The following KCNH7 variants were observed in gnomAD, a reference collection of about 807,000 sequenced individuals.
KCNH7 encodes potassium voltage-gated channel subfamily H member 7.
In KCNH7, 49 loss-of-function variants were observed where a neutral mutation model predicts 120.8. The observed-to-expected ratio is 0.41, with a 90% CI of 0.32 to 0.51. KCNH7 has a LOEUF of 0.51. Among genes scored for constraint, KCNH7 ranks in the 20% least tolerant of loss-of-function variants. The probability of loss-of-function intolerance (pLI) is 0.38; values close to 1 mark genes in which losing one functional copy is unlikely to be tolerated. For synonymous variants in KCNH7, 547 were observed against 516.1 expected (o/e 1.06, Z -0.81); for missense variants, 1,097 against 1,446.6 (o/e 0.76, Z 3.92).
At chr2:162,720,512 A>G (rs545601771) in intron 2 of KCNH7, among the ~76,000 whole-genome samples, 1 of 152,228 alleles carries the variant, frequency 6.6e-6, no homozygotes, top group East Asian at 1.9e-4. Flanking sequence ...ATATCCATTT[A>G]TACATATGCA....
intron 3 of KCNH7, among the ~76,000 whole-genome samples, chr2:162,525,703 A>C (rs1269223684): frequency 6.6e-6 from 1 of 152,000 alleles, no homozygotes; most frequent in Non-Finnish European, 1.5e-5. Flanking sequence ...ACCAAAATTG[A>C]GCATGGATGA....
chr2:162,825,725 T>C (rs1685257988), intron 2 of KCNH7, among the ~76,000 whole-genome samples: 1 of 152,012 alleles, frequency 6.6e-6, no homozygotes, highest in South Asian at 2.1e-4. Flanking sequence ...ATTAAAACAA[T>C]TATGGTCTGT....
chr2:162,836,540 T>G lies in KCNH7; in HGVS notation c.304A>C (p.Asn102His). Residue 102 changes from asparagine (N) to histidine (H), a missense_variant, in exon 2 of 16, where the codon AAT becomes CAT. Coordinates refer to ENST00000332142, the MANE Select transcript of KCNH7 (RefSeq NM_033272.4). ...RKVEVTYYHKNGSTFICNTHI... is the reference protein window; with the variant it reads ...RKVEVTYYHKHGSTFICNTHI... ...ATCCTAAATAGAGGAATTTTACCAT[T>G]TTTGTGATAGTAGGTGACCTCCACT... 1.2e-6 allele frequency: 2 copies of G among 1,612,172 alleles called. No individual in the cohort carries two copies. Among genetic ancestry groups the G allele is most frequent in the Non-Finnish European group, 1.7e-6 (2 of 1,178,340 alleles).
intron 2 of KCNH7, among the ~76,000 whole-genome samples, chr2:162,611,162 G>A (rs751316725): frequency 4.6e-5 from 7 of 152,196 alleles, no homozygotes; most frequent in African/African-American, 1.2e-4. Flanking sequence ...GGGGCCCACC[G>A]TGGGGCCTGC....
At chr2:162,794,749 T>A (rs887069728) in intron 2 of KCNH7, among the ~76,000 whole-genome samples, 1 of 152,064 alleles carries the variant, frequency 6.6e-6, no homozygotes, top group Admixed American at 6.6e-5. Flanking sequence ...GTATAATTTA[T>A]GCATTCCCAT....
chr2:162,665,810 G>A (rs1341542717), intron 2 of KCNH7, among the ~76,000 whole-genome samples: 1 of 151,998 alleles, frequency 6.6e-6, no homozygotes, highest in East Asian at 1.9e-4. Flanking sequence ...ACTATGCAGG[G>A]AGTCATCTTC....
At chr2:162,807,938 T>C (rs1277265340) in intron 2 of KCNH7, among the ~76,000 whole-genome samples, 2 of 152,198 alleles carry the variant, frequency 1.3e-5, no homozygotes, top group African/African-American at 4.8e-5. Context: ...CACCTCGGCC[T>C]CCCAAAGTGC....
At chr2:162,491,023 T>C (rs1690284504) in intron 6 of KCNH7, among the ~76,000 whole-genome samples, 1 of 152,014 alleles carries the variant, frequency 6.6e-6, no homozygotes. Context: ...TATGCTGCGT[T>C]CAGTGACCAC....
chr2:162,610,541 C>T (rs973519987), intron 2 of KCNH7, among the ~76,000 whole-genome samples: 13 of 152,212 alleles, frequency 8.5e-5, no homozygotes, highest in African/African-American at 3.1e-4. Flanking sequence ...ATTTTATTAA[C>T]TTACATATGA....
At chr2:162,437,869 G>A (rs551265810) in intron 7 of KCNH7, among the ~76,000 whole-genome samples, 4 of 152,176 alleles carry the variant, frequency 2.6e-5, no homozygotes, top group South Asian at 2.1e-4. Flanking sequence ...CTTGCAGCTC[G>A]CCTCAAGAAA....
chr2:162,386,998 T>C (rs936096329), intron 12 of KCNH7, among the ~76,000 whole-genome samples: 3 of 151,380 alleles, frequency 2.0e-5, no homozygotes, highest in Non-Finnish European at 4.4e-5. Flanking sequence ...TATAGTAAAA[T>C]GGAGAAAATT....
chr2:162,522,054 C>T (rs1202316881), intron 3 of KCNH7, among the ~76,000 whole-genome samples: 6 of 151,810 alleles, frequency 4.0e-5, no homozygotes, highest in Non-Finnish European at 7.4e-5. Flanking sequence ...AACCAATCTG[C>T]GCAAATAAGA....
At chr2:162,739,139 T>C (rs1046665208) in intron 2 of KCNH7, among the ~76,000 whole-genome samples, 4 of 152,170 alleles carry the variant, frequency 2.6e-5, no homozygotes, top group Admixed American at 6.5e-5. Context: ...GTGTGCCCCA[T>C]ATCTTATAAA....
At chr2:162,558,479 C>G (rs112054472) in intron 2 of KCNH7, among the ~76,000 whole-genome samples, 2 of 97,736 alleles carry the variant, frequency 2.0e-5, no homozygotes, top group African/African-American at 8.4e-5. Flanking sequence ...CGGCCAGGCT[C>G]TTTCTTTTGC....
intron 2 of KCNH7, among the ~76,000 whole-genome samples, chr2:162,716,309 GAA>G (rs1242214279): frequency 1.3e-5 from 2 of 152,020 alleles, no homozygotes; most frequent in African/African-American, 4.8e-5. Context: ...AAGTTTTTTT[GAA>G]GTCTAGTCAC....
intron 2 of KCNH7, among the ~76,000 whole-genome samples, chr2:162,630,685 A>G (rs1252705995): frequency 1.3e-5 from 2 of 152,106 alleles, no homozygotes; most frequent in Non-Finnish European, 2.9e-5. Context: ...AAAAGCAGTG[A>G]TTAAACACAG....
chr2:162,566,340 CATA>C (rs1433357083), intron 2 of KCNH7, among the ~76,000 whole-genome samples: 5 of 152,100 alleles, frequency 3.3e-5, no homozygotes, highest in Admixed American at 2.0e-4. Flanking sequence ...TTGGGGATAG[CATA>C]ATATTTTGGG....
chr2:162,788,988 T>TAAAAAAAAAAAAAAAAAAAAAAAA (rs61348204), intron 2 of KCNH7, among the ~76,000 whole-genome samples: 1 of 105,164 alleles, frequency 9.5e-6, no homozygotes, highest in Non-Finnish European at 1.9e-5. Flanking sequence ...AGGTACTGGT[T>TAAAAAAAAAAAAAAAAAAAAAAAA]AAAAAAAAAA....
intron 2 of KCNH7, among the ~76,000 whole-genome samples, chr2:162,772,474 C>A (rs1683091168): frequency 6.6e-6 from 1 of 152,106 alleles, no homozygotes; most frequent in South Asian, 2.1e-4. Context: ...GTAAGTTAAA[C>A]ATTTCTTTTT....
Sources: gnomAD v4.1 joint callset for allele counts (sites outside exome capture counted in the v4.1 genomes callset) on GRCh38, gnomAD v4.1.1 for gene constraint, MANE v1.5 for transcripts, NCBI Gene and HGNC (gene_info 2026-07-23, HGNC 2026-07-21) for gene names.